The following LUZP2 variants were observed in gnomAD, a reference collection of about 807,000 sequenced individuals.
The protein encoded by LUZP2 is leucine zipper protein 2.
In LUZP2, 52 loss-of-function variants were observed where a neutral mutation model predicts 51.6. The ratio of observed to expected loss-of-function variants is 1.01; its 90% CI spans 0.81 to 1.27. The LOEUF (loss-of-function observed/expected upper bound fraction) is 1.27, where lower values mean the gene tolerates loss of function less well. LUZP2 is among the 50% of genes most tolerant of loss of function. LUZP2 has a pLI of 0.00. For synonymous variants in LUZP2, 154 were observed against 137.3 expected (o/e 1.12, Z -0.85); for missense variants, 436 against 395.4 (o/e 1.10, Z -0.87).
chr11:24,843,255 A>G (rs1202093187), intron 5 of LUZP2, among the ~76,000 whole-genome samples: 1 of 152,072 alleles, frequency 6.6e-6, no homozygotes, highest in Admixed American at 6.6e-5. Flanking sequence ...AAAAAACAAA[A>G]CAAAGTGGGG....
chr11:24,768,257 C>G (rs1475159765), intron 5 of LUZP2, among the ~76,000 whole-genome samples: 4 of 152,128 alleles, frequency 2.6e-5, no homozygotes, highest in South Asian at 2.1e-4. Flanking sequence ...CCTCAGCCTC[C>G]CAAGTATCTG....
intron 5 of LUZP2, among the ~76,000 whole-genome samples, chr11:24,836,490 G>A (rs1414894613): frequency 1.2e-4 from 18 of 151,944 alleles, no homozygotes. Flanking sequence ...TATGAATATT[G>A]GAGGAGACAC....
At chr11:24,887,172 C>A (rs10834528) in intron 5 of LUZP2, among the ~76,000 whole-genome samples, 73,656 of 149,118 alleles carry the variant, frequency 0.49, 18,334 homozygotes, top group East Asian at 0.7. Flanking sequence ...ACCCAGCCTG[C>A]GAAGCCCCTA....
At chr11:24,573,274 G>A (rs565873939) in intron 1 of LUZP2, among the ~76,000 whole-genome samples, 2 of 152,042 alleles carry the variant, frequency 1.3e-5, no homozygotes, top group East Asian at 3.9e-4. Context: ...CTTCTTCGTG[G>A]TTCTTACAAG....
intron 1 of LUZP2, among the ~76,000 whole-genome samples, chr11:24,553,025 C>T (rs1392834312): frequency 2.0e-5 from 3 of 151,252 alleles, no homozygotes; most frequent in African/African-American, 7.3e-5. Flanking sequence ...CCTTACCAGA[C>T]ATTAAGACAT....
intron 1 of LUZP2, among the ~76,000 whole-genome samples, chr11:24,506,103 T>C (rs1850139466): frequency 6.6e-6 from 1 of 151,864 alleles, no homozygotes. Context: ...AATCCTACAA[T>C]GGGATAAGTT....
chr11:24,916,769 A>G (rs1433568901), intron 7 of LUZP2, among the ~76,000 whole-genome samples: 4 of 152,158 alleles, frequency 2.6e-5, no homozygotes, highest in African/African-American at 2.4e-5. Flanking sequence ...AGTCTTTGCT[A>G]TTGTGAATAG....
chr11:24,867,102 C>A (rs1017043183), intron 5 of LUZP2, among the ~76,000 whole-genome samples: 7 of 151,956 alleles, frequency 4.6e-5, no homozygotes, highest in African/African-American at 1.7e-4. Flanking sequence ...AAATTATGGA[C>A]CAGAGTCTTT....
At chr11:24,746,585 G>A (rs1371647465) in intron 4 of LUZP2, among the ~76,000 whole-genome samples, 1 of 152,076 alleles carries the variant, frequency 6.6e-6, no homozygotes, top group African/African-American at 2.4e-5. Flanking sequence ...TCTTGTATTT[G>A]AATGTCTAGT....
chr11:24,677,639 T>G (rs1316444055), intron 1 of LUZP2, among the ~76,000 whole-genome samples: 1 of 152,238 alleles, frequency 6.6e-6, no homozygotes, highest in African/African-American at 2.4e-5. Context: ...TGTTCTTTAT[T>G]CATTTTCTTT....
intron 5 of LUZP2, among the ~76,000 whole-genome samples, chr11:24,865,724 ATATGTGTGTG>A (rs1466116667): frequency 2.2e-5 from 3 of 136,226 alleles, no homozygotes; most frequent in Non-Finnish European, 4.7e-5. Context: ...ATATATATAT[ATATGTGTGTG>A]TGTGTGTGTG....
At chr11:24,531,104 C>A (rs1311395498) in intron 1 of LUZP2, among the ~76,000 whole-genome samples, 1 of 140,172 alleles carries the variant, frequency 7.1e-6, no homozygotes, top group Non-Finnish European at 1.5e-5. Flanking sequence ...CATAAAAAAG[C>A]AACTTCATAA....
intron 7 of LUZP2, among the ~76,000 whole-genome samples, chr11:24,951,988 A>G (rs1855092566): frequency 6.6e-6 from 1 of 151,738 alleles, no homozygotes; most frequent in South Asian, 2.1e-4. Context: ...GATAATTGAT[A>G]CATATTTTTG....
At chr11:24,958,750 T>C (rs182826808) in intron 7 of LUZP2, among the ~76,000 whole-genome samples, 1 of 152,212 alleles carries the variant, frequency 6.6e-6, no homozygotes, top group East Asian at 1.9e-4. Context: ...AGAAACTCTT[T>C]AGTTTAATTA....
intron 4 of LUZP2, among the ~76,000 whole-genome samples, chr11:24,756,893 G>A (rs139624492): frequency 1.1e-3 from 166 of 152,298 alleles, no homozygotes; most frequent in African/African-American, 3.9e-3. Context: ...CCAGTTTCAA[G>A]CTGAGGTTCC....
chr11:24,978,216 A>G (rs1855934338), intron 8 of LUZP2, among the ~76,000 whole-genome samples: 1 of 151,774 alleles, frequency 6.6e-6, no homozygotes. Context: ...AAAAAAATTT[A>G]TATAAAACAA....
At chr11:24,578,025 T>G (rs914802305) in intron 1 of LUZP2, among the ~76,000 whole-genome samples, 1 of 152,178 alleles carries the variant, frequency 6.6e-6, no homozygotes, top group Non-Finnish European at 1.5e-5. Flanking sequence ...TCGCTCAGCA[T>G]GTGTTTTTAT....
intron 4 of LUZP2, among the ~76,000 whole-genome samples, chr11:24,758,263 T>C (rs1382681535): frequency 6.6e-6 from 1 of 152,098 alleles, no homozygotes; most frequent in African/African-American, 2.4e-5. Context: ...AAGAGTGATA[T>C]GTTCTAACTC....
chr11:24,928,299 C>G (rs958508960), intron 7 of LUZP2, among the ~76,000 whole-genome samples: 2 of 152,002 alleles, frequency 1.3e-5, no homozygotes, highest in African/African-American at 4.8e-5. Context: ...AAAGTAGACA[C>G]CCTCGTTTTG....
Sources: gnomAD v4.1 joint callset for allele counts (sites outside exome capture counted in the v4.1 genomes callset) on GRCh38, gnomAD v4.1.1 for gene constraint, MANE v1.5 for transcripts, NCBI Gene and HGNC (gene_info 2026-07-23, HGNC 2026-07-21) for gene names.